Variants in HPSE2 observed in about 807,000 individuals in gnomAD.
The protein encoded by HPSE2 is heparanase 2 (inactive), also known as inactive heparanase-2.
HPSE2 carries 38 observed loss-of-function variants against 60.5 expected under a neutral mutation model. The observed-to-expected ratio is 0.63, with a 90% CI of 0.48 to 0.82. The LOEUF (loss-of-function observed/expected upper bound fraction) is 0.82, where lower values mean the gene tolerates loss of function less well. Among genes scored for constraint, HPSE2 ranks in the 40% least tolerant of loss-of-function variants. The pLI is 0.00. For missense variants in HPSE2, 713 were observed against 740.4 expected (o/e 0.96, Z 0.43); for synonymous variants, 295 against 293.2 (o/e 1.01, Z -0.06).
chr10:99,046,345 G>A (rs1364847439), intron 3 of HPSE2, among the ~76,000 whole-genome samples: 1 of 151,912 alleles, frequency 6.6e-6, no homozygotes, highest in Non-Finnish European at 1.5e-5. Context: ...AATAGTAAGA[G>A]CTATATAACA....
At chr10:99,238,296 T>C (rs533501661), upstream of HPSE2, among the ~76,000 whole-genome samples, 11 of 152,300 alleles carry the variant, frequency 7.2e-5, no homozygotes, top group African/African-American at 2.6e-4. Flanking sequence ...AAAATACCTA[T>C]TCTTGTGACC....
chr10:98,579,472 T>TTACCATTAC (rs1944732809), intron 9 of HPSE2, among the ~76,000 whole-genome samples: 1 of 152,188 alleles, frequency 6.6e-6, no homozygotes, highest in Non-Finnish European at 1.5e-5. Flanking sequence ...GTCACTCAGC[T>TTACCATTAC]TTGCCTGATC....
intron 3 of HPSE2, among the ~76,000 whole-genome samples, chr10:98,749,818 A>G (rs925120112): frequency 6.7e-6 from 1 of 150,282 alleles, no homozygotes; most frequent in Non-Finnish European, 1.5e-5. Context: ...TATTAAATGC[A>G]TTTTTGACTT....
At chr10:99,205,220 C>G (rs760841461) in intron 2 of HPSE2, among the ~76,000 whole-genome samples, 3 of 152,116 alleles carry the variant, frequency 2.0e-5, no homozygotes, top group Non-Finnish European at 4.4e-5. Flanking sequence ...CAAAGAAGCA[C>G]GTGTAGCTCC....
chr10:99,073,306 C>A (rs2135553200), intron 3 of HPSE2, among the ~76,000 whole-genome samples: 1 of 152,156 alleles, frequency 6.6e-6, no homozygotes, highest in Admixed American at 6.5e-5. Flanking sequence ...TAAAAAGGAA[C>A]AAGATCATGT....
In HPSE2 at chr10:98,482,540, C is replaced by T. The variant is rs531905364; in HGVS notation, c.1613+96G>A. On this transcript the variant is annotated intron_variant, in intron 11 of 11. Coordinates refer to ENST00000370552, the MANE Select transcript of HPSE2 (RefSeq NM_021828.5). ...TTGTCCTACTCCATCCCACTGAGCCCTTGAGAGAATTAGCAGCAACCTTGG... is the reference window on the plus strand; with the variant it reads ...TTGTCCTACTCCATCCCACTGAGCCTTTGAGAGAATTAGCAGCAACCTTGG... 1.6e-5 allele frequency: 24 copies of T among 1,493,918 alleles called. No individual in the cohort carries two copies. The South Asian group carries it at 2.6e-4, about 16-fold the overall frequency. 92.5% of individuals were successfully genotyped at this position (1,493,918 alleles called of 1,614,324 possible).
At chr10:98,607,644 T>C (rs532389005) in intron 9 of HPSE2, among the ~76,000 whole-genome samples, 4 of 152,348 alleles carry the variant, frequency 2.6e-5, no homozygotes, top group African/African-American at 9.6e-5. Context: ...GAAGGAATCA[T>C]AGTTTTCCTT....
chr10:99,231,583 C>T (rs1171835892), intron 2 of HPSE2, among the ~76,000 whole-genome samples: 1 of 151,730 alleles, frequency 6.6e-6, no homozygotes, highest in East Asian at 1.9e-4. Flanking sequence ...CCGTTCAAAC[C>T]AAAAAAGATT....
intron 2 of HPSE2, among the ~76,000 whole-genome samples, chr10:99,230,667 C>CA (rs1395051350): frequency 3.3e-5 from 5 of 152,084 alleles, no homozygotes; most frequent in Admixed American, 6.6e-5. Context: ...TCATTGTTCT[C>CA]AGTGTAACAT....
chr10:98,948,950 C>T (rs534629683), intron 3 of HPSE2, among the ~76,000 whole-genome samples: 4 of 151,984 alleles, frequency 2.6e-5, no homozygotes, highest in Non-Finnish European at 5.9e-5. Context: ...TGTTAACTGG[C>T]TGTTTATGTT....
chr10:98,468,532 A>G (rs1373420857), intron 11 of HPSE2, among the ~76,000 whole-genome samples: 2 of 151,990 alleles, frequency 1.3e-5, no homozygotes, highest in Non-Finnish European at 2.9e-5. Context: ...CTCACCTGAT[A>G]ACAAGCTGGG....
At chr10:98,647,051 C>T (rs987777094) in intron 6 of HPSE2, among the ~76,000 whole-genome samples, 2 of 152,220 alleles carry the variant, frequency 1.3e-5, no homozygotes, top group African/African-American at 2.4e-5. Context: ...CCAAGCCCAT[C>T]TCACAGGGAT....
chr10:99,296,571 G>A, the HPSE2 span, among the ~76,000 whole-genome samples: 1 of 152,224 alleles, frequency 6.6e-6, no homozygotes, highest in Non-Finnish European at 1.5e-5. Context: ...TCACAGAGCT[G>A]TAACACTGTT....
the HPSE2 span, among the ~76,000 whole-genome samples, chr10:99,313,401 T>C: frequency 6.6e-6 from 1 of 152,138 alleles, no homozygotes; most frequent in Non-Finnish European, 1.5e-5. Context: ...AGAGAAGTGC[T>C]GCAATCTCAG....
At chr10:98,570,518 T>C (rs895218382) in intron 9 of HPSE2, among the ~76,000 whole-genome samples, 10 of 151,988 alleles carry the variant, frequency 6.6e-5, no homozygotes, top group Non-Finnish European at 7.4e-5. Flanking sequence ...GAATTGCCTA[T>C]ATGCTAGGCA....
chr10:99,223,949 GTATAATA>G (rs1051295507), intron 2 of HPSE2, among the ~76,000 whole-genome samples: 15 of 152,230 alleles, frequency 9.9e-5, no homozygotes, highest in Admixed American at 9.8e-4. Flanking sequence ...AACATGGAAA[GTATAATA>G]TATGTAAGTG....
intron 2 of HPSE2, among the ~76,000 whole-genome samples, chr10:99,156,729 T>C (rs912746452): frequency 3.1e-5 from 4 of 130,798 alleles, no homozygotes; most frequent in African/African-American, 7.6e-5. Flanking sequence ...CTATTCAACA[T>C]AGTGTTGAAA....
intron 6 of HPSE2, among the ~76,000 whole-genome samples, chr10:98,658,501 C>A (rs556610989): frequency 6.6e-6 from 1 of 151,950 alleles, no homozygotes; most frequent in South Asian, 2.1e-4. Flanking sequence ...TCTCTCAGTT[C>A]GTGACTTGAT....
At chr10:99,132,146 G>GAAGAAGAAAGAAAGAAAGAAAGA (rs1564832315) in intron 3 of HPSE2, among the ~76,000 whole-genome samples, 6 of 28,554 alleles carry the variant, frequency 2.1e-4, no homozygotes, top group Non-Finnish European at 2.7e-4. Flanking sequence ...AGAAAGAAAG[G>GAAGAAGAAAGAAAGAAAGAAAGA]AAGAAAGAAA....
Sources: allele counts gnomAD v4.1 joint callset (sites outside exome capture counted in the v4.1 genomes callset), GRCh38; gene constraint gnomAD v4.1.1; transcripts MANE v1.5; gene names NCBI Gene and HGNC (gene_info 2026-07-23, HGNC 2026-07-21).